Variants in PLAC1 observed in about 807,000 individuals in gnomAD.
PLAC1 encodes the protein placenta associated 1.
For missense variants in PLAC1, 136 were observed against 163.2 expected (o/e 0.83, Z 0.91); for synonymous variants, 68 against 62.1 (o/e 1.09, Z -0.44).
intron 1 of PLAC1, among the ~76,000 whole-genome samples, chrX:134,649,841 G>A (rs887222061): frequency 8.9e-6 from 1 of 111,966 alleles, no homozygotes; most frequent in Non-Finnish European, 1.9e-5. Context: ...AGACTGGAAG[G>A]TCTCAGAAGC....
At chrX:134,608,828 A>G (rs1173603676) in intron 1 of PLAC1, among the ~76,000 whole-genome samples, 1 of 108,857 alleles carries the variant, frequency 9.2e-6, no homozygotes, top group Non-Finnish European at 1.9e-5. Flanking sequence ...GGCACCCGCC[A>G]CCATGTCCGG....
At chrX:134,698,751 C>T (rs1041371102) in intron 2 of PLAC1, among the ~76,000 whole-genome samples, 2 of 111,759 alleles carry the variant, frequency 1.8e-5, no homozygotes, top group Non-Finnish European at 3.8e-5. Context: ...ACAATCTTGA[C>T]ATCTCCCCTT....
At chrX:134,637,156 G>A (rs1316492628) in intron 1 of PLAC1, among the ~76,000 whole-genome samples, 2 of 111,985 alleles carry the variant, frequency 1.8e-5, no homozygotes, top group East Asian at 2.8e-4. Flanking sequence ...GCAACCCAGC[G>A]CTCACATGGA....
chrX:134,610,272 G>A (rs943172642), intron 1 of PLAC1, among the ~76,000 whole-genome samples: 1 of 111,643 alleles, frequency 9.0e-6, no homozygotes, highest in African/African-American at 3.3e-5. Context: ...CACCGCACCT[G>A]GCTGGAAGGG....
At chrX:134,744,758 G>T (rs1438560431) in intron 1 of PLAC1, among the ~76,000 whole-genome samples, 1 of 111,849 alleles carries the variant, frequency 8.9e-6, no homozygotes, top group African/African-American at 3.3e-5. Context: ...CAGGCTATTG[G>T]TTATTATTAT....
At chrX:134,696,452 T>A (rs917368405) in intron 2 of PLAC1, among the ~76,000 whole-genome samples, 3 of 112,084 alleles carry the variant, frequency 2.7e-5, no homozygotes, top group Non-Finnish European at 5.6e-5. Context: ...TTGTTTTTCT[T>A]ACAGCCTCAG....
At chrX:134,664,954 T>A (rs905616603) in intron 2 of PLAC1, among the ~76,000 whole-genome samples, 1 of 111,995 alleles carries the variant, frequency 8.9e-6, no homozygotes, top group Admixed American at 9.4e-5. Flanking sequence ...CTTGTACATA[T>A]GCTAATTAAA....
At chrX:134,592,969 C>T (rs2078046545) in intron 2 of PLAC1, among the ~76,000 whole-genome samples, 1 of 110,199 alleles carries the variant, frequency 9.1e-6, no homozygotes, top group Non-Finnish European at 1.9e-5. Context: ...CCTTGTGATC[C>T]GCCCGCCTCA....
chrX:134,762,196 A>ACC (rs143993606), intron 1 of PLAC1, among the ~76,000 whole-genome samples: 447 of 92,467 alleles, frequency 4.8e-3, no homozygotes, highest in African/African-American at 0.012. Flanking sequence ...CTGTTGAGGC[A>ACC]CCCCCCCCCC....
At chrX:134,592,518 CT>C (rs1245844285) in intron 2 of PLAC1, among the ~76,000 whole-genome samples, 1 of 110,633 alleles carries the variant, frequency 9.0e-6, no homozygotes, top group South Asian at 3.8e-4. Context: ...AGTTGAAGGC[CT>C]TAAGGAAAAG....
chrX:134,747,762 C>T (rs1052476421), intron 1 of PLAC1, among the ~76,000 whole-genome samples: 1 of 111,552 alleles, frequency 9.0e-6, no homozygotes, highest in Non-Finnish European at 1.9e-5. Flanking sequence ...CCACTTAACA[C>T]TTTTCAAAGC....
intron 2 of PLAC1, among the ~76,000 whole-genome samples, chrX:134,702,028 C>A (rs183421916): frequency 9.0e-6 from 1 of 111,306 alleles, no homozygotes; most frequent in Non-Finnish European, 1.9e-5. Flanking sequence ...CAAAAACAAA[C>A]GAACACAATG....
At chrX:134,624,409 G>C (rs1389498711) in intron 1 of PLAC1, among the ~76,000 whole-genome samples, 1 of 111,668 alleles carries the variant, frequency 9.0e-6, no homozygotes, top group African/African-American at 3.3e-5. Flanking sequence ...AAGGACTTTG[G>C]AAAAAGCCAC....
chrX:134,623,070 G>A (rs1420686186), intron 1 of PLAC1, among the ~76,000 whole-genome samples: 13 of 112,284 alleles, frequency 1.2e-4, no homozygotes, highest in Non-Finnish European at 2.4e-4. Context: ...GAGCCTTCAC[G>A]TCTGAGCTCT....
chrX:134,706,796 C>T (rs2147831241), intron 2 of PLAC1, among the ~76,000 whole-genome samples: 1 of 110,983 alleles, frequency 9.0e-6, no homozygotes, highest in African/African-American at 3.3e-5. Context: ...AATGGATGGG[C>T]CCAATAGCAA....
At chrX:134,760,420 A>T (rs2078766988) in intron 1 of PLAC1, 1 of 111,829 alleles carries the variant, frequency 8.9e-6, no homozygotes, top group Non-Finnish European at 1.9e-5. Flanking sequence ...ACTATCAAAC[A>T]TAATAAATAT....
intron 2 of PLAC1, among the ~76,000 whole-genome samples, chrX:134,592,719 TC>T (rs2078044453): frequency 1.2e-5 from 1 of 84,609 alleles, no homozygotes; most frequent in Non-Finnish European, 2.3e-5. Context: ...TCTCTGTGTC[TC>T]TTTTTTTTTT....
At chrX:134,718,479 C>T (rs1449541322) in intron 2 of PLAC1, among the ~76,000 whole-genome samples, 1 of 112,528 alleles carries the variant, frequency 8.9e-6, no homozygotes, top group Non-Finnish European at 1.9e-5. Flanking sequence ...TGGGGCTTGA[C>T]ATTCCTCACG....
rs766818977 is a variant in PLAC1 at position 134,590,007 on chromosome X, A to G, written c.-59+12044T>C. On this transcript the variant is annotated intron_variant, in intron 2 of 2. Coordinates refer to ENST00000359237, the MANE Select transcript of PLAC1 (RefSeq NM_021796.4). The stretch of plus-strand genomic sequence containing the variant: ...TCAGGAGATCAAGACCATCCTGGCT[A>G]ACATGGTGAAAACCCATCTGTACTA... Among the ~76,000 whole-genome samples the G allele has an allele frequency of 2.4e-3, 229 of 96,358 alleles. 1 individual carries two copies. The highest frequency in any genetic ancestry group is 8.1e-3 in the African/African-American group (210 of 25,996). 83.7% of individuals were successfully genotyped at this position (96,358 alleles called of 115,157 possible).
Sources: gnomAD v4.1 joint callset for allele counts (sites outside exome capture counted in the v4.1 genomes callset) on GRCh38, gnomAD v4.1.1 for gene constraint, MANE v1.5 for transcripts, NCBI Gene and HGNC (gene_info 2026-07-23, HGNC 2026-07-21) for gene names.